The following ASS1 variants were observed in gnomAD, a reference collection of about 807,000 sequenced individuals.
ASS1 encodes the protein argininosuccinate synthase 1.
A neutral mutation model predicts 60.5 loss-of-function variants in ASS1; 58 were observed. The ratio of observed to expected loss-of-function variants is 0.96; its 90% CI spans 0.78 to 1.19. ASS1 has a LOEUF of 1.19. Ranked by LOEUF, ASS1 falls within the 50% of genes most tolerant of loss-of-function variation. The pLI is 0.00. For synonymous variants in ASS1, 200 were observed against 206.9 expected (o/e 0.97, Z 0.29); for missense variants, 454 against 547.3 (o/e 0.83, Z 1.70).
At chr9:130,471,849 G>T (rs1371101286) in intron 8 of ASS1, among the ~76,000 whole-genome samples, 1 of 152,182 alleles carries the variant, frequency 6.6e-6, no homozygotes, top group East Asian at 1.9e-4. Context: ...TTGGGGGAGG[G>T]CCCAGCCTGT....
intron 1 of ASS1, among the ~76,000 whole-genome samples, chr9:130,447,093 G>A (rs1469643077): frequency 6.6e-6 from 1 of 152,248 alleles, no homozygotes; most frequent in East Asian, 1.9e-4. Flanking sequence ...CAGTAGGCCT[G>A]AGCTATAGCA....
chr9:130,497,415 A>G (rs1360497187), intron 13 of ASS1, among the ~76,000 whole-genome samples: 2 of 152,118 alleles, frequency 1.3e-5, no homozygotes. Context: ...TAACGTAATT[A>G]TAGAGCAGGT....
chr9:130,498,040 A>G (rs1259435426), intron 13 of ASS1, among the ~76,000 whole-genome samples: 1 of 152,200 alleles, frequency 6.6e-6, no homozygotes, highest in East Asian at 1.9e-4. Flanking sequence ...AAGGAGGTAC[A>G]GGAGCATGGG....
chr9:130,490,838 C>T (rs1294805420), intron 12 of ASS1, among the ~76,000 whole-genome samples: 3 of 152,234 alleles, frequency 2.0e-5, no homozygotes, highest in East Asian at 3.9e-4. Flanking sequence ...TGGCCCTTCC[C>T]ACCCACCTCC....
chr9:130,462,118 C>T (rs1459960007), intron 4 of ASS1, among the ~76,000 whole-genome samples: 1 of 152,158 alleles, frequency 6.6e-6, no homozygotes, highest in African/African-American at 2.4e-5. Context: ...AGAGCTGCAC[C>T]GAAGCTGGGG....
At chr9:130,452,411 G>A in intron 2 of ASS1, 78 bp downstream of exon 2, 1 of 1,314,800 alleles carries the variant, frequency 7.6e-7, no homozygotes. Context: ...GCCTCTGTCT[G>A]GGTTGTCAGC....
At chr9:130,498,331 A>C (rs973027560) in intron 13 of ASS1, among the ~76,000 whole-genome samples, 6 of 152,192 alleles carry the variant, frequency 3.9e-5, no homozygotes, top group Admixed American at 3.3e-4. Context: ...GGTCTGATTC[A>C]GAGCAGGACA....
chr9:130,497,694 G>A (rs905546145), intron 13 of ASS1, among the ~76,000 whole-genome samples: 2 of 152,212 alleles, frequency 1.3e-5, no homozygotes, highest in Admixed American at 6.5e-5. Context: ...CTTGGGGAAC[G>A]GGATGGGGAG....
chr9:130,494,744 G>T lies in ASS1; in HGVS notation c.971-123G>T. On this transcript the variant is annotated intron_variant, in intron 12 of 14. Coordinates refer to ENST00000352480, the MANE Select transcript of ASS1 (RefSeq NM_054012.4). This position sits in a 1 kb window ranked among gnomAD's most constrained non-coding sequence, Gnocchi z 4.3. ...CAAGCGCACATTGTGCCAGTCTCGCGGGAGGCAGTCATGGTCTGCATGGCG... is the reference window on the plus strand; with the variant it reads ...CAAGCGCACATTGTGCCAGTCTCGCTGGAGGCAGTCATGGTCTGCATGGCG... 1.6e-6 allele frequency: 2 copies of T among 1,289,516 alleles called. No homozygotes were observed. The highest frequency in any genetic ancestry group is 2.4e-5 in the East Asian group (1 of 42,512). 79.9% of individuals were successfully genotyped at this position (1,289,516 alleles called of 1,614,324 possible).
intron 8 of ASS1, among the ~76,000 whole-genome samples, chr9:130,472,904 T>C (rs917918217): frequency 8.5e-5 from 13 of 152,248 alleles, no homozygotes; most frequent in South Asian, 2.1e-4. Flanking sequence ...GCAAGCAGCC[T>C]ATGGGGGCAG....
rs1588475918 is a variant in ASS1, at chr9:130,458,509, A to C, written c.283A>C (p.Arg95=). ...DRYLLGTSLA[R]PCIARKQVEI... ...CTACCTCCTGGGCACCTCTCTTGCC[A>C]GGCCCTGCATCGCCCGCAAACAAGT... Residue 95 remains arginine, a synonymous_variant, in exon 4 of 15, where the codon AGG becomes CGG. Transcript: ENST00000352480. 6.2e-7 allele frequency: 1 copy of C among 1,613,010 alleles called. No individual in the cohort carries two copies. The highest frequency in any genetic ancestry group is 2.2e-5 in the East Asian group (1 of 44,862).
At chr9:130,490,922 G>A (rs1564161160) in intron 12 of ASS1, among the ~76,000 whole-genome samples, 1 of 152,194 alleles carries the variant, frequency 6.6e-6, no homozygotes, top group African/African-American at 2.4e-5. Flanking sequence ...ACAGGCTGCT[G>A]CCTGAGGCCG....
intron 6 of ASS1, among the ~76,000 whole-genome samples, chr9:130,468,722 C>A (rs967292848): frequency 6.6e-6 from 1 of 152,180 alleles, no homozygotes; most frequent in Non-Finnish European, 1.5e-5. Flanking sequence ...TGTGAGCCAC[C>A]ACACCCAGCT....
intron 11 of ASS1, among the ~76,000 whole-genome samples, chr9:130,484,877 C>T (rs1329100606): frequency 1.3e-5 from 2 of 152,090 alleles, no homozygotes; most frequent in Non-Finnish European, 2.9e-5. Flanking sequence ...GTTTTTTGAT[C>T]CGTCACAATT....
chr9:130,462,961 T>TC (rs1305292065), intron 4 of ASS1, among the ~76,000 whole-genome samples: 1 of 151,978 alleles, frequency 6.6e-6, no homozygotes, highest in Non-Finnish European at 1.5e-5. Context: ...TGGCTAAAAA[T>TC]CCCCCTGGCC....
Position 130,494,772 on chromosome 9 carries a change from G to A in ASS1, c.971-95G>A. 1.3e-6 allele frequency: 2 copies of A among 1,523,594 alleles called. No individual in the cohort carries two copies. Among genetic ancestry groups the A allele is most frequent in the Non-Finnish European group, 1.8e-6 (2 of 1,103,262 alleles). 94.4% of individuals were successfully genotyped at this position (1,523,594 alleles called of 1,614,324 possible). The stretch of plus-strand genomic sequence containing the variant: ...AGGCAGTCATGGTCTGCATGGCGGG[G>A]TAAACCATGGGGCACCCTTCCTGTG... On this transcript the variant is annotated intron_variant, in intron 12 of 14. Coordinates refer to ENST00000352480, the MANE Select transcript of ASS1 (RefSeq NM_054012.4). This position sits in a 1 kb window ranked among gnomAD's most constrained non-coding sequence, Gnocchi z 4.3.
rs201273695 is a variant in ASS1 at position 130,452,199 on chromosome 9, C to A, written c.-5-25C>A. On this transcript the variant is annotated intron_variant, in intron 1 of 14. Coordinates refer to ENST00000352480, the MANE Select transcript of ASS1 (RefSeq NM_054012.4). ...GGGCACTGGCTGTCTCAGGGTCACT[C>A]AGGTTGTTCCTCGACTCCCGCCAGA... is the stretch of plus-strand genomic sequence containing the variant. 40 of 1,603,870 alleles carry A rather than the reference C, an allele frequency of 2.5e-5. No homozygotes were observed. The Admixed American group carries it at 5.4e-4, about 22-fold the overall frequency.
intron 11 of ASS1, among the ~76,000 whole-genome samples, chr9:130,484,831 G>T (rs1278207770): frequency 1.4e-5 from 2 of 146,394 alleles, no homozygotes; most frequent in African/African-American, 5.3e-5. Flanking sequence ...ACACACACAC[G>T]TGCGCGCGCG....
chr9:130,483,388 G>A (rs1282354785), intron 11 of ASS1, among the ~76,000 whole-genome samples: 2 of 151,766 alleles, frequency 1.3e-5, no homozygotes, highest in African/African-American at 2.4e-5. Context: ...CAGCGCCAGT[G>A]CCCTGGGTCT....
Sources: gnomAD v4.1 joint callset for allele counts (sites outside exome capture counted in the v4.1 genomes callset) on GRCh38, gnomAD v4.1.1 for gene constraint, Gnocchi (gnomAD v3.1) non-coding constraint, MANE v1.5 for transcripts, NCBI Gene and HGNC (gene_info 2026-07-23, HGNC 2026-07-21) for gene names.